ORC5: variants seen among roughly 807,000 people sequenced by gnomAD.
ORC5 encodes origin recognition complex subunit 5.
Under a neutral mutation model 58.8 loss-of-function variants are expected in ORC5, and 39 were observed. That is an observed-to-expected ratio of 0.66 (90% CI 0.51 to 0.87). The LOEUF is 0.87. Ranked by LOEUF, ORC5 falls within the 40% of genes least tolerant of loss-of-function variation. ORC5 has a pLI of 0.00. For synonymous variants in ORC5, 218 were observed against 177.6 expected (o/e 1.23, Z -1.81); for missense variants, 493 against 506.3 (o/e 0.97, Z 0.25).
intron 12 of ORC5, among the ~76,000 whole-genome samples, chr7:104,149,195 T>A (rs1219927646): frequency 6.6e-6 from 1 of 152,112 alleles, no homozygotes; most frequent in Non-Finnish European, 1.5e-5. Flanking sequence ...ACTCATAAAA[T>A]ATTAAAATAC....
chr7:104,201,627 T>TAAAAA (rs59970161), intron 2 of ORC5, among the ~76,000 whole-genome samples: 3 of 131,394 alleles, frequency 2.3e-5, no homozygotes, highest in Admixed American at 7.9e-5. Context: ...CTGTCACTAT[T>TAAAAA]AAAAAAAAAA....
At chr7:104,190,375 T>C (rs1799647561) in intron 5 of ORC5, among the ~76,000 whole-genome samples, 1 of 152,102 alleles carries the variant, frequency 6.6e-6, no homozygotes, top group Admixed American at 6.6e-5. Flanking sequence ...ATGAAAAGAA[T>C]TAATCTTTTT....
At position 104,198,337 on chromosome 7, in the gene ORC5, T is replaced by C. The variant is rs192425121; in HGVS notation, c.367-538A>G. ...TAGATGGCTTTGACCAAAATGTTGA[T>C]AGTGATATGGACAATGAAGTACAGA... is the stretch of plus-strand genomic sequence containing the variant. On this transcript the variant is annotated intron_variant, in intron 3 of 13. Coordinates refer to ENST00000297431, the MANE Select transcript of ORC5 (RefSeq NM_002553.4). 8.5e-4 allele frequency among the ~76,000 whole-genome samples: 129 copies of C among 152,322 alleles called. 1 individual carries two copies. Among genetic ancestry groups the C allele is most frequent in the African/African-American group, 3.0e-3 (123 of 41,572 alleles).
At position 104,200,887 on chromosome 7, in the gene ORC5, T is replaced by C; in HGVS notation, c.237A>G (p.Lys79=). The change falls in exon 3 of 14, where the codon AAA becomes AAG. Residue 79 remains lysine, a synonymous_variant. Coordinates refer to ENST00000297431, the MANE Select transcript of ORC5 (RefSeq NM_002553.4). ...CCTCTGAAGAACTAAGATGATTCAATTTGTTTAAAATTTGTTCCAAAAGCA... is the reference window on the plus strand; with the variant it reads ...CCTCTGAAGAACTAAGATGATTCAACTTGTTTAAAATTTGTTCCAAAAGCA... ...LRLLLEQILN[K]LNHLSSSEDG... 1 of 1,613,736 alleles carries C rather than the reference T, an allele frequency of 6.2e-7. No individual in the cohort carries two copies. Among genetic ancestry groups the C allele is most frequent in the Non-Finnish European group, 8.5e-7 (1 of 1,179,666 alleles).
intron 5 of ORC5, among the ~76,000 whole-genome samples, chr7:104,192,632 A>G (rs935834526): frequency 2.0e-5 from 3 of 152,182 alleles, no homozygotes; most frequent in Non-Finnish European, 4.4e-5. Context: ...CTATAATTCT[A>G]TCAAAAACTA....
At position 104,200,833 on chromosome 7, in the gene ORC5, T is replaced by C. The variant is rs1299441024; in HGVS notation, c.291A>G (p.Glu97=). 1.1e-5 allele frequency: 18 copies of C among 1,613,200 alleles called. No homozygotes were observed. The highest frequency in any genetic ancestry group is 1.5e-5 in the Non-Finnish European group (18 of 1,179,300). Residue 97 remains glutamate, a synonymous_variant, in exon 3 of 14, where the codon GAA becomes GAG. Transcript: ENST00000297431. ...EDGCSTEITC[E]TFNDFVRLFK... ...ACAAGCGAACAAAGTCATTAAATGT[T>C]TCACAGGTTATTTCAGTAGAACATC...
chr7:104,132,323 C>T (rs1474700212), intron 13 of ORC5, among the ~76,000 whole-genome samples: 7 of 152,122 alleles, frequency 4.6e-5, no homozygotes, highest in Non-Finnish European at 1.0e-4. Flanking sequence ...TCCCAAGTTA[C>T]TATCCTTCAA....
chr7:104,207,933 G>A lies in ORC5; in HGVS notation c.-29C>T, dbSNP rs766357440. The A allele has an allele frequency of 3.3e-5, 53 of 1,607,740 alleles. No homozygotes were observed. In the Admixed American group the frequency reaches 8.0e-4, roughly 24 times the overall value. On this transcript the variant is annotated 5_prime_UTR_variant, in exon 1 of 14. Transcript: ENST00000297431. ...GGCAGGCACCACCGCAGAGGCCAGT[G>A]CAGCCAGCCCACAGGACCCTTGCAC... is the stretch of plus-strand genomic sequence containing the variant.
At chr7:104,176,384 C>T (rs1483668471) in intron 8 of ORC5, among the ~76,000 whole-genome samples, 2 of 152,020 alleles carry the variant, frequency 1.3e-5, no homozygotes, top group African/African-American at 2.4e-5. Context: ...CTTTACAGGG[C>T]CATTTCAAAA....
At chr7:104,128,352 A>G (rs1399785902) in intron 13 of ORC5, among the ~76,000 whole-genome samples, 1 of 152,106 alleles carries the variant, frequency 6.6e-6, no homozygotes, top group Non-Finnish European at 1.5e-5. Flanking sequence ...CGAACTCCTG[A>G]CCTCAGGTGA....
At chr7:104,159,220 C>T (rs191386657) in intron 12 of ORC5, among the ~76,000 whole-genome samples, 21,046 of 148,176 alleles carry the variant, frequency 0.14, 1,821 homozygotes, top group East Asian at 0.22. Context: ...AGTAAACTAT[C>T]ACAAGGACAA....
At chr7:104,206,717 C>T (rs1800094732) in intron 1 of ORC5, among the ~76,000 whole-genome samples, 1 of 152,190 alleles carries the variant, frequency 6.6e-6, no homozygotes, top group African/African-American at 2.4e-5. Flanking sequence ...GTCACGTGTA[C>T]ATTCAAAGAT....
At chr7:104,165,452 G>A in intron 10 of ORC5, 170 bp from the exon 11 acceptor site, 3 of 453,596 alleles carry the variant, frequency 6.6e-6, no homozygotes, top group South Asian at 3.7e-5. Context: ...ACATATTTTA[G>A]GCCAATTTCG....
intron 13 of ORC5, among the ~76,000 whole-genome samples, chr7:104,135,884 G>A (rs1213611391): frequency 6.6e-6 from 1 of 152,110 alleles, no homozygotes; most frequent in African/African-American, 2.4e-5. Context: ...GGAACACACT[G>A]TCTATGGATT....
chr7:104,161,345 T>G (rs893991109), intron 11 of ORC5, among the ~76,000 whole-genome samples, 163 bp from the exon 12 acceptor site: 6 of 152,186 alleles, frequency 3.9e-5, no homozygotes, highest in Admixed American at 6.5e-5. Flanking sequence ...TTAACTGATA[T>G]GATCATGATT....
intron 12 of ORC5, among the ~76,000 whole-genome samples, chr7:104,145,808 A>C (rs1159283631): frequency 6.6e-6 from 1 of 152,162 alleles, no homozygotes; most frequent in African/African-American, 2.4e-5. Flanking sequence ...CCCAAGAGCG[A>C]AAGGTGAACC....
chr7:104,136,662 A>AC lies in ORC5; in HGVS notation c.1262+118_1262+119insG. 1.6e-6 allele frequency: 1 copy of AC among 645,120 alleles called. No homozygotes were observed. Among genetic ancestry groups the AC allele is most frequent in the East Asian group, 2.7e-5 (1 of 36,476 alleles). 40.0% of individuals were successfully genotyped at this position (645,120 alleles called of 1,614,324 possible). On this transcript the variant is annotated intron_variant, in intron 13 of 13. Transcript: ENST00000297431. This position sits in a 1 kb window ranked among gnomAD's most constrained non-coding sequence, Gnocchi z 4.2. ...GTTCATTCTATCGTACAGCTTATTC[A>AC]TTCTTGGCACTTAAATAGATGATTT...
intron 8 of ORC5, 100 bp downstream of exon 8, chr7:104,183,843 C>T: frequency 2.6e-6 from 2 of 780,828 alleles, no homozygotes; most frequent in Non-Finnish European, 4.2e-6. Flanking sequence ...AAACAGATAT[C>T]TTTTTCTTTT....
rs548409266 is a variant in ORC5 at position 104,130,750 on chromosome 7, A to G, written c.1263-3857T>C. 5.3e-4 allele frequency among the ~76,000 whole-genome samples: 81 copies of G among 152,182 alleles called. 1 individual carries two copies. Among genetic ancestry groups the G allele is most frequent in the Non-Finnish European group, 4.4e-4 (30 of 68,014 alleles). ...CAGACATTCTACCTTATGATCCCCA[A>G]TTTATCCCTTTTTTGCTATCTGGAA... On this transcript the variant is annotated intron_variant, in intron 13 of 13. Transcript: ENST00000297431.
Sources: gnomAD v4.1 joint callset for allele counts (sites outside exome capture counted in the v4.1 genomes callset) on GRCh38, gnomAD v4.1.1 for gene constraint, Gnocchi (gnomAD v3.1) non-coding constraint, MANE v1.5 for transcripts, NCBI Gene and HGNC (gene_info 2026-07-23, HGNC 2026-07-21) for gene names.